SDF2: variants seen among roughly 807,000 people sequenced by gnomAD.
SDF2 encodes stromal cell-derived factor 2.
Under a neutral mutation model 20.5 loss-of-function variants are expected in SDF2, and 12 were observed. The ratio of observed to expected loss-of-function variants is 0.58; its 90% CI spans 0.37 to 0.95. The LOEUF (loss-of-function observed/expected upper bound fraction) is 0.95, where lower values mean the gene tolerates loss of function less well. SDF2 is among the 40% of genes least tolerant of loss of function. The pLI is 0.01. For synonymous variants in SDF2, 100 were observed against 101.0 expected (o/e 0.99, Z 0.06); for missense variants, 238 against 263.1 (o/e 0.90, Z 0.66).
Position 28,658,847 on chromosome 17 carries a change from C to T in SDF2, c.151+2879G>A, listed in dbSNP as rs567282720. ...AGACTGCACAGCGGCCAGGCAGAGG[C>T]GCTCCTCACTTCCCAGACGGGGCGG... On this transcript the variant is annotated intron_variant, in intron 1 of 2. Transcript: ENST00000247020. 4.1e-4 allele frequency among the ~76,000 whole-genome samples: 63 copies of T among 152,036 alleles called. 2 individuals carry two copies. The Middle Eastern group carries it at 0.01, about 25-fold the overall frequency.
chr17:28,661,360 T>C, intron 1 of SDF2: 2 of 341,718 alleles, frequency 5.9e-6, no homozygotes, highest in South Asian at 2.4e-5. Context: ...TGAACCTGGA[T>C]AGATTTGGAT....
At chr17:28,650,016 A>C (rs1298099699) in intron 2 of SDF2, among the ~76,000 whole-genome samples, 4 of 152,026 alleles carry the variant, frequency 2.6e-5, no homozygotes, top group South Asian at 2.1e-4. Flanking sequence ...GCAATGGCGC[A>C]ATCTCGGCTC....
At chr17:28,653,227 C>T (rs948829316) in intron 2 of SDF2, among the ~76,000 whole-genome samples, 16 of 152,208 alleles carry the variant, frequency 1.1e-4, no homozygotes, top group African/African-American at 3.1e-4. Flanking sequence ...TCAAGGTCCA[C>T]ATCAACAGTC....
intron 1 of SDF2, among the ~76,000 whole-genome samples, chr17:28,656,741 G>A (rs2071966755): frequency 6.6e-6 from 1 of 152,128 alleles, no homozygotes; most frequent in Non-Finnish European, 1.5e-5. Context: ...CACAGGCAGT[G>A]GTAACCTATA....
At chr17:28,657,699 A>G (rs1240147307) in intron 1 of SDF2, 1 of 151,580 alleles carries the variant, frequency 6.6e-6, no homozygotes, top group African/African-American at 2.4e-5. Context: ...CACCCAGCCT[A>G]AAAAAAAATT....
In SDF2 at chr17:28,655,445, C is replaced by T. The variant is rs1456853971; in HGVS notation, c.190G>A (p.Asp64Asn). Residue 64 changes from aspartate to asparagine, a missense_variant, in exon 2 of 3, where the codon GAT (aspartate) becomes AAT (asparagine). Physicochemically the swap from Asp to Asn is conservative, Grantham distance 23 (BLOSUM62 1). Coordinates refer to ENST00000247020, the MANE Select transcript of SDF2 (RefSeq NM_006923.4). ...QQSVTGVTSV[D>N]DSNSYWRIRG... is the part of the protein sequence containing the mutation. ...ATCCTCCAGTAACTGTTGCTGTCAT[C>T]CACAGAGGTTACACCTGTCACTGAC... 4 of 1,613,562 alleles carry T rather than the reference C, an allele frequency of 2.5e-6. No homozygotes were observed. In the South Asian group the frequency reaches 4.4e-5, roughly 18 times the overall value.
intron 1 of SDF2, among the ~76,000 whole-genome samples, chr17:28,659,802 G>A (rs548906435): frequency 2.3e-3 from 353 of 151,364 alleles, no homozygotes; most frequent in Non-Finnish European, 3.7e-3. Context: ...GACGATGGGC[G>A]GCCAGGCAGA....
At position 28,652,704 on chromosome 17, in the gene SDF2, T is replaced by G. The variant is rs867874890; in HGVS notation, c.348+2583A>C. Among the ~76,000 whole-genome samples the G allele has an allele frequency of 9.8e-5, 15 of 152,306 alleles. No individual in the cohort carries two copies. In the South Asian group the frequency reaches 2.3e-3, roughly 23 times the overall value. On this transcript the variant is annotated intron_variant, in intron 2 of 2. Coordinates refer to ENST00000247020, the MANE Select transcript of SDF2 (RefSeq NM_006923.4). ...CTAGAACTTGGTTTTAATATCATTCTCCAATAAAAGGAAGCAGAGCTCCTT... is the reference window on the plus strand; with the variant it reads ...CTAGAACTTGGTTTTAATATCATTCGCCAATAAAAGGAAGCAGAGCTCCTT...
At chr17:28,661,992 T>C (rs1179438110), upstream of SDF2, 18 of 1,259,230 alleles carry the variant, frequency 1.4e-5, no homozygotes, top group East Asian at 2.4e-5. Context: ...GTCTGATCTT[T>C]ATGGTTTATT....
At chr17:28,654,367 A>T (rs995514249) in intron 2 of SDF2, among the ~76,000 whole-genome samples, 2 of 152,108 alleles carry the variant, frequency 1.3e-5, no homozygotes, top group African/African-American at 4.8e-5. Flanking sequence ...AAAAAAAAAA[A>T]ACACTGCAAG....
intron 2 of SDF2, among the ~76,000 whole-genome samples, chr17:28,652,949 G>C (rs577944129): frequency 6.6e-6 from 1 of 152,070 alleles, no homozygotes; most frequent in African/African-American, 2.4e-5. Context: ...AGATTATAAC[G>C]AAGTATAAAC....
At chr17:28,655,658 A>C (rs1597670704) in intron 1 of SDF2, 175 bp from the exon 2 acceptor site, 1 of 636,136 alleles carries the variant, frequency 1.6e-6, no homozygotes. Flanking sequence ...GAGACTGAAG[A>C]CCGCCCTCAG....
chr17:28,653,604 G>A (rs1176986796), intron 2 of SDF2, among the ~76,000 whole-genome samples: 1 of 152,176 alleles, frequency 6.6e-6, no homozygotes, highest in Non-Finnish European at 1.5e-5. Flanking sequence ...ACAAGGTCAG[G>A]AGCTCGAGAC....
intron 1 of SDF2, chr17:28,661,103 A>G (rs74336077): frequency 1.0e-3 from 409 of 397,778 alleles, no homozygotes; most frequent in South Asian, 5.3e-3. Context: ...AAAAAAAAAA[A>G]GCAGTTTTCT....
intron 1 of SDF2, chr17:28,656,119 G>A (rs558989153): frequency 6.6e-6 from 1 of 151,998 alleles, no homozygotes; most frequent in South Asian, 2.1e-4. Context: ...TGCTATGCTT[G>A]GCAATATTTT....
intron 1 of SDF2, among the ~76,000 whole-genome samples, chr17:28,659,339 G>A (rs1349816724): frequency 7.0e-6 from 1 of 142,104 alleles, no homozygotes; most frequent in Non-Finnish European, 1.5e-5. Flanking sequence ...CCGGGCAGAG[G>A]CGCTCCCCAC....
chr17:28,649,329 G>T (rs1164403700), intron 2 of SDF2, 53 bp from the exon 3 acceptor site: 2 of 1,559,204 alleles, frequency 1.3e-6, no homozygotes, highest in African/African-American at 1.4e-5. Flanking sequence ...GGCTTGAAAA[G>T]GGGTGGGAGG....
intron 1 of SDF2, among the ~76,000 whole-genome samples, chr17:28,659,444 C>CGGGCAG (rs2072001020): frequency 7.3e-6 from 1 of 136,760 alleles, no homozygotes; most frequent in Non-Finnish European, 1.6e-5. Context: ...ACAGGGCGGC[C>CGGGCAG]AGGTGCTCCC....
At position 28,649,034 on chromosome 17, in the gene SDF2, C is replaced by T. The variant is rs370678156; in HGVS notation, c.591G>A (p.Lys197=). The part of the protein sequence containing the change: ...YWKAMEGIFM[K]PSELLKAEAH... The stretch of plus-strand genomic sequence containing the variant: ...CTTCTGCCTTCAACAACTCACTGGG[C>T]TTCATGAAGATGCCTTCCATGGCTT... Residue 197 remains lysine (K), a synonymous_variant, in exon 3 of 3, where the codon AAG becomes AAA. Coordinates refer to ENST00000247020, the MANE Select transcript of SDF2 (RefSeq NM_006923.4). 1.6e-5 allele frequency: 26 copies of T among 1,614,124 alleles called. No homozygotes were observed. In the African/African-American group the frequency reaches 3.5e-4, roughly 22 times the overall value.
Sources: gnomAD v4.1 joint callset for allele counts (sites outside exome capture counted in the v4.1 genomes callset) on GRCh38, gnomAD v4.1.1 for gene constraint, MANE v1.5 for transcripts, NCBI Gene and HGNC (gene_info 2026-07-23, HGNC 2026-07-21) for gene names.